The following AGAP1 variants were observed in gnomAD, a reference collection of about 807,000 sequenced individuals.
The protein encoded by AGAP1 is ArfGAP with GTPase domain, ankyrin repeat and PH domain 1, also known as arf-GAP with GTPase, ANK repeat and PH domain-containing protein 1.
Under a neutral mutation model 105.3 loss-of-function variants are expected in AGAP1, and 29 were observed. The ratio of observed to expected loss-of-function variants is 0.28; its 90% CI spans 0.21 to 0.38. The LOEUF (loss-of-function observed/expected upper bound fraction) is 0.38. Ranked by LOEUF, AGAP1 falls within the 10% of genes least tolerant of loss-of-function variation. The pLI is 1.00. For synonymous variants in AGAP1, 509 were observed against 485.9 expected, an observed-to-expected ratio of 1.05 and a Z score of -0.63; for missense variants, 998 against 1,165.1, an observed-to-expected ratio of 0.86 and a Z score of 2.09.
chr2:235,503,295 C>T lies in AGAP1; in HGVS notation c.163+8446C>T, dbSNP rs529088768. 5.8e-3 allele frequency among the ~76,000 whole-genome samples: 877 copies of T among 152,292 alleles called. 5 individuals are homozygous for T. The highest frequency in any genetic ancestry group is 8.8e-3 in the Non-Finnish European group (601 of 68,024). ...AATCCAGCATATTTTCCAGGGAGGG[C>T]GTTTCCGGAAGCCTGTCTGCACCCC... is the stretch of plus-strand genomic sequence containing the variant. On this transcript the variant is annotated intron_variant, in intron 1 of 17. Transcript: ENST00000304032.
At chr2:235,847,428 CAATATT>C (rs762619547) in intron 9 of AGAP1, among the ~76,000 whole-genome samples, 19 of 152,186 alleles carry the variant, frequency 1.2e-4, no homozygotes, top group Admixed American at 2.6e-4. Flanking sequence ...TGTACATACT[CAATATT>C]AAATTCATAA....
rs1449663827 is a variant in AGAP1, at chr2:236,062,196, G to T, written c.2114+12915G>T. ...TCACCACCAGATACTGGGAGTCCCTGGGAGAGATCAGGCACTTGACAAGCC... is the reference window on the plus strand; with the variant it reads ...TCACCACCAGATACTGGGAGTCCCTTGGAGAGATCAGGCACTTGACAAGCC... On this transcript the variant is annotated intron_variant, in intron 16 of 17. Coordinates refer to ENST00000304032, the MANE Select transcript of AGAP1 (RefSeq NM_001037131.3). This position sits in a 1 kb window ranked among gnomAD's most constrained non-coding sequence, Gnocchi z 4.2. Among the ~76,000 whole-genome samples the T allele has an allele frequency of 6.6e-6, 1 of 152,172 alleles. No individual in the cohort carries two copies. The highest frequency in any genetic ancestry group is 6.5e-5 in the Admixed American group (1 of 15,286).
rs1355135444 is a variant in AGAP1 at position 236,014,485 on chromosome 2, T to G, written c.1646-22076T>G. On this transcript the variant is annotated intron_variant, in intron 13 of 17. Coordinates refer to ENST00000304032, the MANE Select transcript of AGAP1 (RefSeq NM_001037131.3). This position sits in a 1 kb window ranked among gnomAD's most constrained non-coding sequence, Gnocchi z 6.3. ...CATCATTTCCCAAGGCAGAGGCCAG[T>G]TTTTGTGCTGTTTTGAGTAGCCACG... Among the ~76,000 whole-genome samples the G allele has an allele frequency of 6.6e-6, 1 of 152,068 alleles. No individual in the cohort carries two copies. The highest frequency in any genetic ancestry group is 1.5e-5 in the Non-Finnish European group (1 of 68,012).
In AGAP1 at chr2:236,076,292, A is replaced by G. The variant is rs1265945739; in HGVS notation, c.2114+27011A>G. On this transcript the variant is annotated intron_variant, in intron 16 of 17. Transcript: ENST00000304032. This position sits in a 1 kb window ranked among gnomAD's most constrained non-coding sequence, Gnocchi z 4.4. Reference sequence around the variant, plus strand: ...TGGTGAACCCCCATCTACTACAAATACAAAAATTAGCCAGGCATGGTGGCA... The same window carrying G: ...TGGTGAACCCCCATCTACTACAAATGCAAAAATTAGCCAGGCATGGTGGCA... Among the ~76,000 whole-genome samples, 3 of 152,148 alleles carry G rather than the reference A, an allele frequency of 2.0e-5. No individual in the cohort carries two copies. The highest frequency in any genetic ancestry group is 7.2e-5 in the African/African-American group (3 of 41,426).
intron 9 of AGAP1, among the ~76,000 whole-genome samples, chr2:235,839,857 C>T (rs1960603746): frequency 6.6e-6 from 1 of 152,132 alleles, no homozygotes; most frequent in African/African-American, 2.4e-5. Context: ...ATTTTGGTAG[C>T]CTGATTTCCA....
intron 6 of AGAP1, among the ~76,000 whole-genome samples, chr2:235,761,049 G>A (rs750322600): frequency 6.6e-6 from 1 of 152,186 alleles, no homozygotes; most frequent in Non-Finnish European, 1.5e-5. Flanking sequence ...ATGGGGTCAA[G>A]TATGAAACAT....
chr2:235,771,542 G>A (rs1474402902), intron 6 of AGAP1, among the ~76,000 whole-genome samples: 5 of 152,208 alleles, frequency 3.3e-5, no homozygotes, highest in Non-Finnish European at 5.9e-5. Flanking sequence ...ACTGGTGGCC[G>A]TGTGTTCACG....
At chr2:235,912,219 A>G (rs1427083773) in intron 11 of AGAP1, among the ~76,000 whole-genome samples, 1 of 152,232 alleles carries the variant, frequency 6.6e-6, no homozygotes, top group African/African-American at 2.4e-5. Flanking sequence ...TGCTTAAGAA[A>G]TTAAAGCATT....
intron 1 of AGAP1, among the ~76,000 whole-genome samples, chr2:235,699,494 T>G (rs1950155384): frequency 6.6e-6 from 1 of 152,098 alleles, no homozygotes; most frequent in Non-Finnish European, 1.5e-5. Flanking sequence ...TTCTCACGGG[T>G]TAAATGGGAT....
rs975028040 is a variant in AGAP1 at position 235,845,634 on chromosome 2, G to A, written c.1051-37711G>A. 4.6e-5 allele frequency among the ~76,000 whole-genome samples: 7 copies of A among 151,100 alleles called. No homozygotes were observed. The highest frequency in any genetic ancestry group is 1.2e-4 in the African/African-American group (5 of 41,002). The stretch of plus-strand genomic sequence containing the variant: ...CCCCGATCTGCTTTTTAATTTCTCA[G>A]TGTATGTTTTCTGGTATAATCTGCT... On this transcript the variant is annotated intron_variant, in intron 9 of 17. Transcript: ENST00000304032. The surrounding 1 kb of genome is among the most constrained non-coding windows in gnomAD (Gnocchi z 4.8).
chr2:235,941,906 C>G (rs538500815), intron 12 of AGAP1, among the ~76,000 whole-genome samples: 3 of 152,200 alleles, frequency 2.0e-5, no homozygotes, highest in African/African-American at 7.2e-5. Flanking sequence ...AAGGAGCGTT[C>G]CAGCCCGGTA....
chr2:236,030,441 A>T (rs952055276), intron 13 of AGAP1, among the ~76,000 whole-genome samples: 6 of 152,240 alleles, frequency 3.9e-5, no homozygotes, highest in African/African-American at 1.4e-4. Context: ...AAGATACCAG[A>T]AGCCAAGGGA....
intron 14 of AGAP1, among the ~76,000 whole-genome samples, chr2:236,039,921 A>T (rs1391543131): frequency 6.6e-6 from 1 of 152,074 alleles, no homozygotes; most frequent in South Asian, 2.1e-4. Context: ...ACTTGCTTCA[A>T]TGAGCATGTA....
At chr2:236,029,069 C>T (rs564281046) in intron 13 of AGAP1, among the ~76,000 whole-genome samples, 2 of 152,288 alleles carry the variant, frequency 1.3e-5, no homozygotes, top group Non-Finnish European at 1.5e-5. Context: ...GTACAAGGCC[C>T]TATGACATCG....
rs2059194840 is a variant in AGAP1, at chr2:236,096,501, A to C, written c.2115-23691A>C. 7.0e-6 allele frequency among the ~76,000 whole-genome samples: 1 copy of C among 142,568 alleles called. No individual in the cohort carries two copies. The highest frequency in any genetic ancestry group is 1.5e-5 in the Non-Finnish European group (1 of 65,086). 93.5% of individuals were successfully genotyped at this position (142,568 alleles called of 152,430 possible). On this transcript the variant is annotated intron_variant, in intron 16 of 17. Coordinates refer to ENST00000304032, the MANE Select transcript of AGAP1 (RefSeq NM_001037131.3). This position sits in a 1 kb window ranked among gnomAD's most constrained non-coding sequence, Gnocchi z 4.4. Reference sequence around the variant, plus strand: ...TGGGGACAGAGTGAGCCTCCATCTCAAAAAAAAAAAAGCTTCTGGAATGTC... The same window carrying C: ...TGGGGACAGAGTGAGCCTCCATCTCCAAAAAAAAAAAGCTTCTGGAATGTC...
intron 16 of AGAP1, among the ~76,000 whole-genome samples, chr2:236,110,907 C>T (rs1265929569): frequency 6.6e-6 from 1 of 152,210 alleles, no homozygotes; most frequent in Non-Finnish European, 1.5e-5. Flanking sequence ...GATAGAGGCA[C>T]CGGCAGATTC....
intron 13 of AGAP1, among the ~76,000 whole-genome samples, chr2:235,996,636 G>A (rs1403079799): frequency 1.3e-5 from 2 of 152,176 alleles, no homozygotes; most frequent in Non-Finnish European, 2.9e-5. Flanking sequence ...ACCATCAAGC[G>A]GCAGTTCATC....
intron 16 of AGAP1, among the ~76,000 whole-genome samples, chr2:236,068,025 A>G (rs1010080651): frequency 6.6e-6 from 1 of 152,234 alleles, no homozygotes; most frequent in Non-Finnish European, 1.5e-5. Context: ...TAATCCCAGC[A>G]CTTTGGGAAG....
chr2:235,617,659 G>A (rs376639152), intron 1 of AGAP1, among the ~76,000 whole-genome samples: 1 of 152,106 alleles, frequency 6.6e-6, no homozygotes, highest in Non-Finnish European at 1.5e-5. Flanking sequence ...CCGAGATCCC[G>A]CCACTGCACT....
Sources: allele counts gnomAD v4.1 joint callset (sites outside exome capture counted in the v4.1 genomes callset), GRCh38; gene constraint gnomAD v4.1.1; non-coding constraint Gnocchi (gnomAD v3.1); transcripts MANE v1.5; gene names NCBI Gene and HGNC (gene_info 2026-07-23, HGNC 2026-07-21).